CTNNA2: variants seen among roughly 807,000 people sequenced by gnomAD.
CTNNA2 encodes the protein catenin alpha 2.
Under a neutral mutation model 101.0 loss-of-function variants are expected in CTNNA2, and 42 were observed. The observed-to-expected ratio is 0.42, with a 90% CI of 0.32 to 0.54. The LOEUF is 0.54. CTNNA2 is among the 20% of genes least tolerant of loss of function. The pLI is 0.14. For synonymous variants in CTNNA2, 450 were observed against 456.4 expected, an observed-to-expected ratio of 0.99 and a Z score of 0.18; for missense variants, 871 against 1,223.1, an observed-to-expected ratio of 0.71 and a Z score of 4.29.
At chr2:80,482,875 C>T (rs1686256528) in intron 9 of CTNNA2, among the ~76,000 whole-genome samples, 1 of 152,192 alleles carries the variant, frequency 6.6e-6, no homozygotes, top group African/African-American at 2.4e-5. Flanking sequence ...CTTTCTTGTT[C>T]TCCACAATAC....
chr2:79,871,722 T>C lies in CTNNA2; in HGVS notation c.585+1787T>C, dbSNP rs137904299. ...AATAATGCTTCATCAGCCTTCTAGA[T>C]ACCCCTCAATCCAGTCAAGTTGACA... is the stretch of plus-strand genomic sequence containing the variant. On this transcript the variant is annotated intron_variant, in intron 5 of 18. Coordinates refer to ENST00000402739, the MANE Select transcript of CTNNA2 (RefSeq NM_001282597.3). 1.2e-3 allele frequency among the ~76,000 whole-genome samples: 176 copies of C among 152,282 alleles called. 1 individual carries two copies. The highest frequency in any genetic ancestry group is 6.8e-3 in the Middle Eastern group (2 of 294).
chr2:80,079,556 C>T lies in CTNNA2; in HGVS notation c.1056+169759C>T, dbSNP rs1454759269. On this transcript the variant is annotated intron_variant, in intron 7 of 18. Transcript: ENST00000402739. Reference sequence around the variant, plus strand: ...CCGGCTGGGCGCAGTGGCTCACGCCCGCAGTCCCAGTACTTTGGAGGCTGA... The same window carrying T: ...CCGGCTGGGCGCAGTGGCTCACGCCTGCAGTCCCAGTACTTTGGAGGCTGA... Among the ~76,000 whole-genome samples the T allele has an allele frequency of 3.9e-5, 6 of 152,234 alleles. No individual in the cohort carries two copies. The South Asian group carries it at 6.2e-4, about 16-fold the overall frequency.
intron 7 of CTNNA2, among the ~76,000 whole-genome samples, chr2:80,328,992 G>A (rs893468241): frequency 6.6e-6 from 1 of 152,110 alleles, no homozygotes; most frequent in Non-Finnish European, 1.5e-5. Context: ...TCCACCATTG[G>A]CCAAAATGCC....
At chr2:80,555,319 A>G (rs1692935888) in intron 11 of CTNNA2, among the ~76,000 whole-genome samples, 1 of 152,218 alleles carries the variant, frequency 6.6e-6, no homozygotes, top group Non-Finnish European at 1.5e-5. Flanking sequence ...GTAAGTATCA[A>G]ACTTCAAAAC....
intron 2 of CTNNA2, among the ~76,000 whole-genome samples, chr2:79,243,396 G>T (rs10193463): frequency 0.42 from 64,229 of 151,976 alleles, 15,492 homozygotes; most frequent in Non-Finnish European, 0.53. Flanking sequence ...TAGATTTGTT[G>T]TTGCAGTATT....
chr2:79,396,906 G>A (rs1678239449), intron 4 of CTNNA2, among the ~76,000 whole-genome samples: 1 of 152,162 alleles, frequency 6.6e-6, no homozygotes, highest in African/African-American at 2.4e-5. Context: ...ACCACGGGAT[G>A]TAATTTGTTA....
At chr2:80,483,777 T>G (rs1309321689) in intron 9 of CTNNA2, among the ~76,000 whole-genome samples, 1 of 152,176 alleles carries the variant, frequency 6.6e-6, no homozygotes, top group African/African-American at 2.4e-5. Context: ...TTTGATAAAT[T>G]GAGTCATGGA....
chr2:79,201,092 C>G (rs951842447), intron 2 of CTNNA2, among the ~76,000 whole-genome samples: 2 of 152,030 alleles, frequency 1.3e-5, no homozygotes, highest in African/African-American at 2.4e-5. Context: ...ACATTTCCCC[C>G]CCCCTTTTTT....
At chr2:80,402,096 C>T (rs1322969424) in intron 8 of CTNNA2, among the ~76,000 whole-genome samples, 1 of 152,142 alleles carries the variant, frequency 6.6e-6, no homozygotes, top group East Asian at 1.9e-4. Context: ...TCAGGTCCAC[C>T]TAATTTGCCA....
chr2:80,303,066 G>T lies in CTNNA2; in HGVS notation c.1057-90145G>T, dbSNP rs902566485. On this transcript the variant is annotated intron_variant, in intron 7 of 18. Coordinates refer to ENST00000402739, the MANE Select transcript of CTNNA2 (RefSeq NM_001282597.3). This position sits in a 1 kb window ranked among gnomAD's most constrained non-coding sequence, Gnocchi z 7.7. ...TTCTCCAGGTTCCAAACCCAGTCCA[G>T]CGAGCTGACCACAATGGCCACCTTG... 3.1e-6 allele frequency: 5 copies of T among 1,613,884 alleles called. No individual in the cohort carries two copies. Among genetic ancestry groups the T allele is most frequent in the Non-Finnish European group, 3.4e-6 (4 of 1,180,008 alleles).
chr2:80,341,673 G>A (rs116541603), intron 7 of CTNNA2, among the ~76,000 whole-genome samples: 2,170 of 152,286 alleles, frequency 0.014, 44 homozygotes, highest in African/African-American at 0.043. Context: ...TAGGAATGTA[G>A]AATGGTACAG....
At chr2:79,621,258 G>A (rs1417896936) in intron 1 of CTNNA2, among the ~76,000 whole-genome samples, 2 of 152,114 alleles carry the variant, frequency 1.3e-5, no homozygotes, top group Non-Finnish European at 2.9e-5. Context: ...TAGAAGCAAT[G>A]AGCACCTCTA....
intron 7 of CTNNA2, among the ~76,000 whole-genome samples, chr2:80,386,598 T>C (rs1677030543): frequency 6.6e-6 from 1 of 152,184 alleles, no homozygotes; most frequent in Admixed American, 6.5e-5. Flanking sequence ...TTGTCTAAAT[T>C]GTAGGTTTAA....
chr2:79,487,420 G>A (rs771861934), intron 4 of CTNNA2, among the ~76,000 whole-genome samples: 2 of 152,216 alleles, frequency 1.3e-5, no homozygotes, highest in Non-Finnish European at 2.9e-5. Context: ...GGCTGGCTTG[G>A]TCAACAGAGT....
intron 2 of CTNNA2, among the ~76,000 whole-genome samples, chr2:79,709,088 C>T (rs902835830): frequency 6.6e-6 from 1 of 152,132 alleles, no homozygotes; most frequent in Non-Finnish European, 1.5e-5. Context: ...ATATCCTATA[C>T]TGGTCCTTAC....
At chr2:80,261,001 C>T (rs560062135) in intron 7 of CTNNA2, among the ~76,000 whole-genome samples, 13 of 152,248 alleles carry the variant, frequency 8.5e-5, no homozygotes, top group African/African-American at 2.9e-4. Flanking sequence ...GACAGTGTAG[C>T]GATCCACCTA....
intron 2 of CTNNA2, among the ~76,000 whole-genome samples, chr2:79,266,258 A>G (rs1479375212): frequency 6.6e-6 from 1 of 152,192 alleles, no homozygotes; most frequent in Non-Finnish European, 1.5e-5. Flanking sequence ...GAAAATTAAC[A>G]TTCCTTAGGA....
At chr2:80,112,476 GC>G (rs1314245545) in intron 7 of CTNNA2, among the ~76,000 whole-genome samples, 1 of 152,090 alleles carries the variant, frequency 6.6e-6, no homozygotes, top group African/African-American at 2.4e-5. Flanking sequence ...TCAGAAAAAG[GC>G]TTTACAGGTT....
chr2:79,880,646 G>A (rs999638337), intron 6 of CTNNA2, among the ~76,000 whole-genome samples: 2 of 152,118 alleles, frequency 1.3e-5, no homozygotes, highest in African/African-American at 4.8e-5. Flanking sequence ...TTGTATTTCT[G>A]TGGGGTCAAT....
Sources: gnomAD v4.1 joint callset for allele counts (sites outside exome capture counted in the v4.1 genomes callset) on GRCh38, gnomAD v4.1.1 for gene constraint, Gnocchi (gnomAD v3.1) non-coding constraint, MANE v1.5 for transcripts, NCBI Gene and HGNC (gene_info 2026-07-23, HGNC 2026-07-21) for gene names.